WDPCP: variants seen among roughly 807,000 people sequenced by gnomAD.
The protein encoded by WDPCP is WD repeat containing planar cell polarity effector.
Under a neutral mutation model 93.1 loss-of-function variants are expected in WDPCP, and 71 were observed. The observed-to-expected ratio is 0.76, with a 90% CI of 0.63 to 0.93. The LOEUF is 0.93. Among genes scored for constraint, WDPCP ranks in the 40% least tolerant of loss-of-function variants. The pLI is 0.00. For synonymous variants in WDPCP, 315 were observed against 315.0 expected, an observed-to-expected ratio of 1.00 and a Z score of 0.00; for missense variants, 844 against 887.4, an observed-to-expected ratio of 0.95 and a Z score of 0.62.
intron 14 of WDPCP, among the ~76,000 whole-genome samples, chr2:63,187,719 T>C (rs1008498656): frequency 2.0e-5 from 3 of 152,228 alleles, no homozygotes; most frequent in Admixed American, 6.5e-5. Context: ...CATTTAGACT[T>C]GTATATACAA....
chr2:63,143,134 A>G (rs944561273), intron 17 of WDPCP, among the ~76,000 whole-genome samples: 1 of 151,980 alleles, frequency 6.6e-6, no homozygotes, highest in Non-Finnish European at 1.5e-5. Flanking sequence ...TAGGATTGTG[A>G]TATTTCCTGT....
At chr2:63,133,813 G>A (rs959559545) in intron 17 of WDPCP, among the ~76,000 whole-genome samples, 9 of 152,126 alleles carry the variant, frequency 5.9e-5, no homozygotes, top group African/African-American at 2.2e-4. Flanking sequence ...ATTAGGAACT[G>A]CCATCTCCTC....
intron 12 of WDPCP, among the ~76,000 whole-genome samples, chr2:63,351,719 C>T (rs185730142): frequency 5.9e-5 from 9 of 152,202 alleles, no homozygotes; most frequent in Non-Finnish European, 8.8e-5. Context: ...GTGAATAGTG[C>T]GGTGATGAAC....
chr2:63,299,732 T>C (rs1685182497), intron 13 of WDPCP, among the ~76,000 whole-genome samples: 1 of 152,176 alleles, frequency 6.6e-6, no homozygotes, highest in African/African-American at 2.4e-5. Flanking sequence ...CGACATTACA[T>C]TTAACTCCAG....
intron 1 of WDPCP, among the ~76,000 whole-genome samples, chr2:63,556,614 G>C (rs1706142590): frequency 6.6e-6 from 1 of 152,170 alleles, no homozygotes. Context: ...TGCTGAAGAG[G>C]TGTTGAAATC....
intron 3 of WDPCP, among the ~76,000 whole-genome samples, chr2:63,642,210 C>T (rs562216251): frequency 6.6e-6 from 1 of 151,880 alleles, no homozygotes; most frequent in East Asian, 1.9e-4. Context: ...TTTTTCTTAC[C>T]CTATCTTGAT....
At chr2:63,474,014 A>T (rs1699830466) in intron 6 of WDPCP, among the ~76,000 whole-genome samples, 1 of 152,148 alleles carries the variant, frequency 6.6e-6, no homozygotes, top group Non-Finnish European at 1.5e-5. Flanking sequence ...AAATGGAGAC[A>T]TAATAGCTAT....
At chr2:63,751,561 CT>C (rs58326851) in intron 2 of WDPCP, 6,460 of 392,288 alleles carry the variant, frequency 0.016, 67 homozygotes, top group African/African-American at 0.018. Flanking sequence ...TAAAACATGT[CT>C]TTTTTTTTAT....
intron 9 of WDPCP, among the ~76,000 whole-genome samples, chr2:63,412,164 C>G (rs541499554): frequency 6.6e-6 from 1 of 152,048 alleles, no homozygotes; most frequent in Admixed American, 6.6e-5. Context: ...AATAGCATAT[C>G]GAAAAGGTAA....
chr2:63,183,732 C>T (rs1237792460), intron 14 of WDPCP, among the ~76,000 whole-genome samples: 1 of 152,072 alleles, frequency 6.6e-6, no homozygotes, highest in Non-Finnish European at 1.5e-5. Flanking sequence ...GTGTTGAAGT[C>T]TCCCACCATT....
chr2:63,683,261 T>C (rs920827277), intron 2 of WDPCP, among the ~76,000 whole-genome samples: 1 of 152,092 alleles, frequency 6.6e-6, no homozygotes, highest in Admixed American at 6.5e-5. Context: ...TAACATTGAA[T>C]GTAAATGGGC....
chr2:63,197,612 A>G (rs543045169), intron 14 of WDPCP, among the ~76,000 whole-genome samples: 10 of 152,396 alleles, frequency 6.6e-5, no homozygotes, highest in African/African-American at 2.2e-4. Flanking sequence ...GAAGATATGT[A>G]TAAGGGTACT....
intron 14 of WDPCP, among the ~76,000 whole-genome samples, chr2:63,223,463 C>T (rs1678010706): frequency 6.6e-6 from 1 of 152,074 alleles, no homozygotes; most frequent in South Asian, 2.1e-4. Flanking sequence ...CATAAAGGCT[C>T]CCCTGGCAAA....
intron 10 of WDPCP, among the ~76,000 whole-genome samples, chr2:63,390,353 G>A (rs921113877): frequency 6.6e-6 from 1 of 152,032 alleles, no homozygotes; most frequent in Non-Finnish European, 1.5e-5. Context: ...TGAAACCAAC[G>A]AGAACAAAGA....
intron 1 of WDPCP, among the ~76,000 whole-genome samples, chr2:63,499,135 C>T (rs1398670155): frequency 6.6e-6 from 1 of 152,100 alleles, no homozygotes; most frequent in African/African-American, 2.4e-5. Context: ...AAAATAATCA[C>T]AAAAACAATA....
At chr2:63,691,696 C>T (rs1168649381) in intron 2 of WDPCP, among the ~76,000 whole-genome samples, 1 of 151,922 alleles carries the variant, frequency 6.6e-6, no homozygotes. Flanking sequence ...CTGAAACCAG[C>T]TGAGACTGTA....
intron 14 of WDPCP, among the ~76,000 whole-genome samples, chr2:63,201,194 A>G (rs1325124418): frequency 2.6e-5 from 4 of 152,160 alleles, no homozygotes; most frequent in Non-Finnish European, 4.4e-5. Context: ...CTCCTGCTCC[A>G]GACATGTAGG....
At chr2:63,402,665 C>T (rs562411072) in intron 10 of WDPCP, among the ~76,000 whole-genome samples, 9 of 152,154 alleles carry the variant, frequency 5.9e-5, no homozygotes, top group South Asian at 2.1e-4. Context: ...TTTTTTGAGA[C>T]GGAGTCTTGC....
At chr2:63,695,874 C>A (rs1558886316) in intron 2 of WDPCP, among the ~76,000 whole-genome samples, 1 of 152,066 alleles carries the variant, frequency 6.6e-6, no homozygotes, top group East Asian at 1.9e-4. Flanking sequence ...TTGCTTATTT[C>A]ACAACTATTT....
Sources: gnomAD v4.1 joint callset for allele counts (sites outside exome capture counted in the v4.1 genomes callset) on GRCh38, gnomAD v4.1.1 for gene constraint, MANE v1.5 for transcripts, NCBI Gene and HGNC (gene_info 2026-07-23, HGNC 2026-07-21) for gene names.